Variants in DIAPH1 observed in about 807,000 individuals in gnomAD.
The protein encoded by DIAPH1 is protein diaphanous homolog 1.
DIAPH1 carries 46 observed loss-of-function variants against 140.7 expected under a neutral mutation model. The observed-to-expected ratio is 0.33, with a 90% CI of 0.26 to 0.42. The LOEUF (loss-of-function observed/expected upper bound fraction) is 0.42. Ranked by LOEUF, DIAPH1 falls within the 10% of genes least tolerant of loss-of-function variation. The pLI is 1.00. For synonymous variants in DIAPH1, 565 were observed against 551.6 expected, an observed-to-expected ratio of 1.02 and a Z score of -0.34; for missense variants, 1,310 against 1,558.7, an observed-to-expected ratio of 0.84 and a Z score of 2.69.
intron 19 of DIAPH1, among the ~76,000 whole-genome samples, chr5:141,530,108 T>C (rs1286448207): frequency 2.6e-5 from 4 of 152,022 alleles, no homozygotes; most frequent in Non-Finnish European, 5.9e-5. Context: ...CGTCAAAGAC[T>C]TTCACCCCAC....
intron 18 of DIAPH1, among the ~76,000 whole-genome samples, chr5:141,547,423 G>T (rs1162567847): frequency 6.6e-6 from 1 of 151,748 alleles, no homozygotes; most frequent in Non-Finnish European, 1.5e-5. Context: ...CAAGATCGCG[G>T]CACTGCACTC....
chr5:141,580,815 A>G lies in DIAPH1; in HGVS notation c.753T>C (p.Ala251=). ...CTGCATCAATCATCATGTTGGGAAC[A>G]GCAGGATCCATGGCTCTGACCAGCA... ...ILLLVRAMDP[A]VPNMMIDAAK... The change falls in exon 8 of 28, where the codon GCT becomes GCC. Residue 251 remains alanine (A), a synonymous_variant. Transcript: ENST00000389054. 6.2e-7 allele frequency: 1 copy of G among 1,614,230 alleles called. No individual in the cohort carries two copies. The highest frequency in any genetic ancestry group is 8.5e-7 in the Non-Finnish European group (1 of 1,180,024).
At chr5:141,609,395 C>T (rs1027134544) in intron 1 of DIAPH1, among the ~76,000 whole-genome samples, 1 of 152,140 alleles carries the variant, frequency 6.6e-6, no homozygotes, top group African/African-American at 2.4e-5. Flanking sequence ...ACTGGACACA[C>T]ATAAACTGTC....
chr5:141,589,500 T>C (rs1489844393), intron 1 of DIAPH1, among the ~76,000 whole-genome samples: 5 of 152,188 alleles, frequency 3.3e-5, no homozygotes, highest in African/African-American at 1.2e-4. Flanking sequence ...GTGAATGAAC[T>C]TACAGCTATT....
chr5:141,616,754 G>C (rs2099902751), intron 1 of DIAPH1, among the ~76,000 whole-genome samples: 1 of 152,152 alleles, frequency 6.6e-6, no homozygotes, highest in South Asian at 2.1e-4. Context: ...CTCATTACCT[G>C]AGCTATTTAG....
rs769834859 is a variant in DIAPH1 at position 141,576,877 on chromosome 5, A to G, written c.1281-6T>C. The G allele has an allele frequency of 2.0e-6, 3 of 1,528,286 alleles. No individual in the cohort carries two copies. Among genetic ancestry groups the G allele is most frequent in the Admixed American group, 1.7e-5 (1 of 59,888 alleles). The allele number at this position is 1,528,286 out of a possible 1,614,324, so 94.7% of individuals were successfully genotyped here. A position where few individuals can be genotyped will look rare whatever the true frequency, so the allele number is the denominator to read the frequency against. ...TCAACTTATAGTACTGAGGTCTACA[A>G]GAGAATAAAAACAGGGTCATCAAAG... On this transcript the variant is annotated splice_polypyrimidine_tract_variant and splice_region_variant and intron_variant, in intron 12 of 27. Transcript: ENST00000389054.
chr5:141,534,314 T>C (rs372490813), intron 19 of DIAPH1, 21 bp downstream of exon 19: 7 of 1,558,206 alleles, frequency 4.5e-6, no homozygotes, highest in East Asian at 2.2e-5. Context: ...TTTTGAATAG[T>C]TGGGACCAAG....
At chr5:141,610,482 G>T (rs1269164964) in intron 1 of DIAPH1, among the ~76,000 whole-genome samples, 10 of 152,088 alleles carry the variant, frequency 6.6e-5, no homozygotes, top group African/African-American at 2.4e-4. Flanking sequence ...TGTATTTTTA[G>T]TAGAGACGGG....
chr5:141,541,271 C>T (rs2099889918), intron 18 of DIAPH1, among the ~76,000 whole-genome samples: 1 of 152,164 alleles, frequency 6.6e-6, no homozygotes, highest in South Asian at 2.1e-4. Context: ...TGATAAAGAA[C>T]ATTTACGAAA....
At chr5:141,575,280 G>A in intron 14 of DIAPH1, 134 bp from the exon 15 acceptor site, 1 of 848,578 alleles carries the variant, frequency 1.2e-6, no homozygotes, top group Non-Finnish European at 2.0e-6. Flanking sequence ...TCCTGTTCTG[G>A]GCCAGTACTT....
At chr5:141,618,611 G>A in intron 1 of DIAPH1, 187 bp downstream of exon 1, 3 of 495,048 alleles carry the variant, frequency 6.1e-6, no homozygotes, top group Non-Finnish European at 7.4e-6. Context: ...AGCCGGGTGG[G>A]ATTCCGGGGC....
At position 141,600,524 on chromosome 5, in the gene DIAPH1, C is replaced by T. The variant is rs1042421042; in HGVS notation, c.118-12274G>A. On this transcript the variant is annotated intron_variant, in intron 1 of 27. Transcript: ENST00000389054. ...GAACTCTGGAATTTATCTAGAACTT[C>T]GCTAAAGGAAAAGGCTCATGAGTCC... 2.6e-5 allele frequency among the ~76,000 whole-genome samples: 4 copies of T among 152,180 alleles called. No individual in the cohort carries two copies. The East Asian group carries it at 5.8e-4, about 22-fold the overall frequency.
chr5:141,571,490 G>T, intron 17 of DIAPH1, 54 bp from the exon 18 acceptor site: 3 of 1,536,220 alleles, frequency 2.0e-6, no homozygotes, highest in Non-Finnish European at 2.7e-6. Flanking sequence ...GAAAGAAATG[G>T]AAGGAAGAAA....
intron 11 of DIAPH1, chr5:141,577,978 A>C: frequency 1.7e-6 from 1 of 582,548 alleles, no homozygotes; most frequent in Non-Finnish European, 3.1e-6. Context: ...CATTCTAGGA[A>C]GTTTACACTG....
intron 26 of DIAPH1, 59 bp downstream of exon 26, chr5:141,525,979 G>C: frequency 6.2e-7 from 1 of 1,610,368 alleles, no homozygotes; most frequent in Non-Finnish European, 8.5e-7. Context: ...CTAGACTCTA[G>C]GCAGAGAAGT....
At chr5:141,523,194 G>T (rs1434637447) in intron 27 of DIAPH1, among the ~76,000 whole-genome samples, 2 of 152,180 alleles carry the variant, frequency 1.3e-5, no homozygotes, top group African/African-American at 4.8e-5. Flanking sequence ...CCTACACAAT[G>T]CAACAGCCAG....
rs768948411 is a variant in DIAPH1 at position 141,526,178 on chromosome 5, G to A, written c.3439-5C>T. ...CTGGTTCTCCTTGACTGCTTGCTGGGGCAGGGAAGAGGAGGAAGGAACACA... is the reference window on the plus strand; with the variant it reads ...CTGGTTCTCCTTGACTGCTTGCTGGAGCAGGGAAGAGGAGGAAGGAACACA... On this transcript the variant is annotated splice_polypyrimidine_tract_variant and splice_region_variant and intron_variant, in intron 25 of 27. Coordinates refer to ENST00000389054, the MANE Select transcript of DIAPH1 (RefSeq NM_005219.5). The A allele has an allele frequency of 2.9e-5, 46 of 1,613,858 alleles. No homozygotes were observed. The highest frequency in any genetic ancestry group is 1.6e-4 in the Middle Eastern group (1 of 6,084).
chr5:141,543,145 T>C (rs1259946385), intron 18 of DIAPH1, among the ~76,000 whole-genome samples: 3 of 151,218 alleles, frequency 2.0e-5, no homozygotes, highest in African/African-American at 7.3e-5. Context: ...ACAATCCTAA[T>C]GTCCATCAAC....
chr5:141,561,662 A>T (rs1377198391), intron 18 of DIAPH1: 1 of 152,240 alleles, frequency 6.6e-6, no homozygotes, highest in African/African-American at 2.4e-5. Context: ...CTGTTACAGT[A>T]GTCTGGTATA....
Sources: allele counts gnomAD v4.1 joint callset (sites outside exome capture counted in the v4.1 genomes callset), GRCh38; gene constraint gnomAD v4.1.1; transcripts MANE v1.5; gene names NCBI Gene and HGNC (gene_info 2026-07-23, HGNC 2026-07-21).